The following GNG4 variants were observed in gnomAD, a reference collection of about 807,000 sequenced individuals.
GNG4 encodes the protein G protein subunit gamma 4.
A neutral mutation model predicts 5.8 loss-of-function variants in GNG4; 4 were observed. The ratio of observed to expected loss-of-function variants is 0.69; its 90% CI spans 0.34 to 1.57. The LOEUF (loss-of-function observed/expected upper bound fraction) is 1.57. Among genes scored for constraint, GNG4 ranks in the 40% most tolerant of loss-of-function variants. GNG4 has a pLI of 0.06. For synonymous variants in GNG4, 29 were observed against 32.9 expected (o/e 0.88, Z 0.41); for missense variants, 96 against 95.1 (o/e 1.01, Z -0.04).
At chr1:235,628,817 G>A (rs977627142) in intron 1 of GNG4, among the ~76,000 whole-genome samples, 2 of 152,136 alleles carry the variant, frequency 1.3e-5, no homozygotes, top group African/African-American at 4.8e-5. Flanking sequence ...AGGAAGCCCA[G>A]CCTCCTTTCT....
At chr1:235,568,064 T>C (rs529806807) in intron 3 of GNG4, among the ~76,000 whole-genome samples, 31 of 152,162 alleles carry the variant, frequency 2.0e-4, no homozygotes, top group Non-Finnish European at 3.4e-4. Context: ...CCTATAAAGC[T>C]TCCTTCCAGC....
intron 1 of GNG4, among the ~76,000 whole-genome samples, chr1:235,617,360 G>A (rs1571915534): frequency 6.6e-6 from 1 of 152,146 alleles, no homozygotes; most frequent in Non-Finnish European, 1.5e-5. Flanking sequence ...AAAGTGGGAC[G>A]GATGCTCTGT....
rs1406228935 is a variant in GNG4 at position 235,552,158 on chromosome 1, G to A, written c.179C>T (p.Ala60Val). Reference sequence around the variant, plus strand: ...CTTCTCGCGAAAGGGGTTTTCTGATGCAGGCACTGGAATGATGAGAGGATC... The same window carrying A: ...CTTCTCGCGAAAGGGGTTTTCTGATACAGGCACTGGAATGATGAGAGGATC... Reference protein sequence around the residue: ...REDPLIIPVPASENPFREKKF... With the variant: ...REDPLIIPVPVSENPFREKKF... Residue 60 changes from alanine to valine, a missense_variant, in exon 4 of 4, where the codon GCA becomes GTA. Physicochemically the swap from Ala to Val is moderately conservative, Grantham distance 64 (BLOSUM62 0). Transcript: ENST00000391854. 3 of 1,613,860 alleles carry A rather than the reference G, an allele frequency of 1.9e-6. No homozygotes were observed. The highest frequency in any genetic ancestry group is 3.3e-5 in the Admixed American group (2 of 60,020).
chr1:235,581,684 G>C (rs951761399), intron 3 of GNG4, among the ~76,000 whole-genome samples: 1 of 151,942 alleles, frequency 6.6e-6, no homozygotes, highest in African/African-American at 2.4e-5. Flanking sequence ...ATGCTTGCTG[G>C]ACCACCTGTG....
chr1:235,612,042 C>T (rs1434654838), intron 1 of GNG4, among the ~76,000 whole-genome samples: 10 of 113,056 alleles, frequency 8.8e-5, no homozygotes, highest in Admixed American at 2.7e-4. Context: ...CCAGCCTGGG[C>T]GACAGAGTGA....
intron 2 of GNG4, among the ~76,000 whole-genome samples, chr1:235,586,783 G>T (rs1687768953): frequency 6.6e-6 from 1 of 152,310 alleles, no homozygotes; most frequent in South Asian, 2.1e-4. Flanking sequence ...GGCCTCACCA[G>T]GAACAGATGC....
chr1:235,634,851 T>C (rs1689002511), intron 1 of GNG4, among the ~76,000 whole-genome samples: 1 of 152,046 alleles, frequency 6.6e-6, no homozygotes, highest in African/African-American at 2.4e-5. Context: ...GAAGAATAGC[T>C]TGAACCCAGG....
chr1:235,613,112 G>C (rs1688515645), intron 1 of GNG4, among the ~76,000 whole-genome samples: 1 of 151,386 alleles, frequency 6.6e-6, no homozygotes, highest in South Asian at 2.1e-4. Flanking sequence ...TTTTTTTGGA[G>C]GGGTGGGGGG....
intron 2 of GNG4, among the ~76,000 whole-genome samples, chr1:235,587,180 G>A (rs544766544): frequency 6.8e-6 from 1 of 146,962 alleles, no homozygotes; most frequent in African/African-American, 2.5e-5. Flanking sequence ...AGAGTGTGTG[G>A]GGGTGAGTGT....
chr1:235,561,703 A>G (rs73116697), intron 3 of GNG4, among the ~76,000 whole-genome samples: 6,126 of 152,188 alleles, frequency 0.04, 327 homozygotes, highest in African/African-American at 0.12. Context: ...CCCTTTATAT[A>G]TTTTGGATAC....
chr1:235,588,013 A>G (rs1558486856), intron 2 of GNG4, among the ~76,000 whole-genome samples: 1 of 151,274 alleles, frequency 6.6e-6, no homozygotes, highest in African/African-American at 2.4e-5. Flanking sequence ...AGCAGAGCCG[A>G]CTCTCAGTCC....
intron 2 of GNG4, among the ~76,000 whole-genome samples, chr1:235,591,113 CCT>C (rs1440731305): frequency 6.6e-6 from 1 of 152,102 alleles, no homozygotes; most frequent in African/African-American, 2.4e-5. Flanking sequence ...CGGTTCCAAT[CCT>C]CTTATTTTTC....
chr1:235,592,840 G>C (rs973696372), intron 2 of GNG4, among the ~76,000 whole-genome samples: 12 of 152,184 alleles, frequency 7.9e-5, no homozygotes, highest in African/African-American at 2.9e-4. Flanking sequence ...GGTCCTCCTT[G>C]CTTGGTGCCC....
chr1:235,619,658 A>C (rs962806144), intron 1 of GNG4, among the ~76,000 whole-genome samples: 2 of 152,208 alleles, frequency 1.3e-5, no homozygotes, highest in African/African-American at 2.4e-5. Context: ...CAATTCCTTG[A>C]ATGTTGAAAT....
intron 2 of GNG4, among the ~76,000 whole-genome samples, chr1:235,589,171 T>TG (rs1160078021): frequency 6.6e-6 from 1 of 152,250 alleles, no homozygotes; most frequent in African/African-American, 2.4e-5. Flanking sequence ...GCTCATCATT[T>TG]GGCTCTAAGC....
At chr1:235,646,932 T>C (rs529762865) in intron 1 of GNG4, among the ~76,000 whole-genome samples, 1 of 152,342 alleles carries the variant, frequency 6.6e-6, no homozygotes, top group East Asian at 1.9e-4. Flanking sequence ...AAAATGAAAA[T>C]TTCATTTGTG....
intron 2 of GNG4, among the ~76,000 whole-genome samples, chr1:235,587,684 T>TAC (rs573569258): frequency 0.19 from 9,466 of 49,010 alleles, 2,251 homozygotes; most frequent in East Asian, 0.72. Flanking sequence ...GGGGTATGTG[T>TAC]GCGAGTGTTG....
chr1:235,568,230 C>G (rs956780081), intron 3 of GNG4, among the ~76,000 whole-genome samples: 4 of 151,980 alleles, frequency 2.6e-5, no homozygotes, highest in Admixed American at 2.0e-4. Context: ...AGTCATCACA[C>G]CTGCAACAGG....
At chr1:235,564,745 G>C (rs920884820) in intron 3 of GNG4, among the ~76,000 whole-genome samples, 1 of 152,082 alleles carries the variant, frequency 6.6e-6, no homozygotes, top group Non-Finnish European at 1.5e-5. Flanking sequence ...GAGTGCAGTG[G>C]CACAATCTCA....
Sources: allele counts gnomAD v4.1 joint callset (sites outside exome capture counted in the v4.1 genomes callset), GRCh38; gene constraint gnomAD v4.1.1; transcripts MANE v1.5; gene names NCBI Gene and HGNC (gene_info 2026-07-23, HGNC 2026-07-21).